Variants in COL25A1 observed in about 807,000 individuals in gnomAD.
COL25A1 encodes collagen type XXV alpha 1 chain.
In COL25A1, 103 loss-of-function variants were observed where a neutral mutation model predicts 128.4. The observed-to-expected ratio is 0.80, with a 90% confidence interval of 0.68 to 0.94. The LOEUF (loss-of-function observed/expected upper bound fraction) is 0.94. COL25A1 is among the 40% of genes least tolerant of loss of function. The pLI is 0.00. For missense variants in COL25A1, 745 were observed against 840.0 expected (o/e 0.89, Z 1.40); for synonymous variants, 279 against 277.2 (o/e 1.01, Z -0.06).
At chr4:109,193,353 T>G (rs112298860) in intron 3 of COL25A1, among the ~76,000 whole-genome samples, 10 of 152,274 alleles carry the variant, frequency 6.6e-5, no homozygotes, top group African/African-American at 2.4e-4. Flanking sequence ...AAGATGTAAA[T>G]TAAGTAATTG....
At chr4:109,049,672 A>G (rs1252625425) in intron 4 of COL25A1, among the ~76,000 whole-genome samples, 1 of 152,264 alleles carries the variant, frequency 6.6e-6, no homozygotes, top group Non-Finnish European at 1.5e-5. Context: ...GAGTAAAAGC[A>G]TGACAGAATT....
At chr4:108,890,021 C>T (rs1033498018) in intron 16 of COL25A1, among the ~76,000 whole-genome samples, 4 of 152,162 alleles carry the variant, frequency 2.6e-5, no homozygotes, top group Non-Finnish European at 5.9e-5. Flanking sequence ...GACTACATTC[C>T]GTGAAATAAA....
intron 13 of COL25A1, among the ~76,000 whole-genome samples, chr4:108,917,713 T>C (rs1053829909): frequency 2.0e-5 from 3 of 152,246 alleles, no homozygotes; most frequent in African/African-American, 7.2e-5. Flanking sequence ...ACTTCTACTT[T>C]TGATTAACAG....
chr4:109,061,431 T>A (rs1338260372), intron 3 of COL25A1, among the ~76,000 whole-genome samples: 1 of 152,220 alleles, frequency 6.6e-6, no homozygotes, highest in African/African-American at 2.4e-5. Context: ...GGAATAGGAA[T>A]AGATTTCATA....
chr4:109,015,640 C>T (rs1171870822), intron 5 of COL25A1, among the ~76,000 whole-genome samples: 1 of 152,004 alleles, frequency 6.6e-6, no homozygotes, highest in East Asian at 1.9e-4. Flanking sequence ...AACTTAGGTA[C>T]CAGCAGGAAG....
rs112404860 is a variant in COL25A1 at position 109,119,662 on chromosome 4, G to A, written c.368-69483C>T. 4.0e-3 allele frequency among the ~76,000 whole-genome samples: 601 copies of A among 152,030 alleles called. 5 individuals are homozygous for A. The highest frequency in any genetic ancestry group is 0.013 in the African/African-American group (558 of 41,502). On this transcript the variant is annotated intron_variant, in intron 3 of 37. Coordinates refer to ENST00000399132, the MANE Select transcript of COL25A1 (RefSeq NM_198721.4). ...GAATAATTAACACTCTTCCAAAACA[G>A]CACCAAACCAAGATAGCTTGAGTGA... is the stretch of plus-strand genomic sequence containing the variant.
At chr4:109,083,992 ATTTTG>A (rs1293919772) in intron 3 of COL25A1, among the ~76,000 whole-genome samples, 4 of 152,300 alleles carry the variant, frequency 2.6e-5, no homozygotes, top group East Asian at 3.9e-4. Context: ...TACATGTAGC[ATTTTG>A]TTTTGTTTTA....
chr4:109,176,040 T>A (rs1323461746), intron 3 of COL25A1, among the ~76,000 whole-genome samples: 6 of 152,192 alleles, frequency 3.9e-5, no homozygotes, highest in Non-Finnish European at 7.3e-5. Flanking sequence ...ATTCATCTAT[T>A]CAGCACACAT....
In COL25A1 at chr4:109,185,933, G is replaced by A. The variant is rs145339050; in HGVS notation, c.367+114650C>T. 9.2e-5 allele frequency among the ~76,000 whole-genome samples: 14 copies of A among 152,302 alleles called. No individual in the cohort carries two copies. The East Asian group carries it at 2.5e-3, about 27-fold the overall frequency. ...TGGACGACTTCCAGCCTCCAGAACT[G>A]TGAGAAAATAAATTTCTGTTGTTTA... On this transcript the variant is annotated intron_variant, in intron 3 of 37. Coordinates refer to ENST00000399132, the MANE Select transcript of COL25A1 (RefSeq NM_198721.4).
rs564190282 is a variant in COL25A1 at position 109,235,872 on chromosome 4, T to C, written c.367+64711A>G. The stretch of plus-strand genomic sequence containing the variant: ...TATTCATTATCTATTTATAGCAAAG[T>C]TATTTCTAAGAATAACCTTCTCATT... On this transcript the variant is annotated intron_variant, in intron 3 of 37. Transcript: ENST00000399132. 3.9e-5 allele frequency among the ~76,000 whole-genome samples: 6 copies of C among 152,172 alleles called. No homozygotes were observed. The South Asian group carries it at 1.2e-3, about 32-fold the overall frequency.
At chr4:108,936,956 C>T (rs989539837) in intron 11 of COL25A1, among the ~76,000 whole-genome samples, 1 of 151,914 alleles carries the variant, frequency 6.6e-6, no homozygotes, top group Non-Finnish European at 1.5e-5. Flanking sequence ...ACCTTTTATA[C>T]CTTGAACATC....
chr4:108,954,402 C>A (rs1021099041), intron 8 of COL25A1, among the ~76,000 whole-genome samples: 9 of 151,804 alleles, frequency 5.9e-5, no homozygotes, highest in Non-Finnish European at 1.5e-5. Flanking sequence ...ATATTTAATT[C>A]TTAAAAGTGA....
intron 11 of COL25A1, among the ~76,000 whole-genome samples, chr4:108,924,919 T>C (rs1745877122): frequency 6.6e-6 from 1 of 152,164 alleles, no homozygotes; most frequent in Non-Finnish European, 1.5e-5. Flanking sequence ...ACCCTCACCT[T>C]TGGGGTTAGG....
intron 3 of COL25A1, among the ~76,000 whole-genome samples, chr4:109,227,153 T>C (rs1373594957): frequency 1.3e-5 from 2 of 152,280 alleles, no homozygotes; most frequent in East Asian, 1.9e-4. Flanking sequence ...AAAAAGGAAA[T>C]TTCTTCGTTT....
intron 3 of COL25A1, among the ~76,000 whole-genome samples, chr4:109,054,987 C>T (rs186680363): frequency 1.1e-4 from 17 of 152,292 alleles, no homozygotes; most frequent in African/African-American, 3.8e-4. Context: ...CTGAACCAAC[C>T]TCCCCCATCC....
chr4:109,107,181 A>G lies in COL25A1; in HGVS notation c.368-57002T>C, dbSNP rs3113713. Among the ~76,000 whole-genome samples, 102 of 152,300 alleles carry G rather than the reference A, an allele frequency of 6.7e-4. 1 individual carries two copies. The highest frequency in any genetic ancestry group is 2.3e-3 in the African/African-American group (97 of 41,552). ...TTCCAATGAAGCAATTTAGACAAAAAGTAATATTAAAGAAAACTAGGTAGT... is the reference window on the plus strand; with the variant it reads ...TTCCAATGAAGCAATTTAGACAAAAGGTAATATTAAAGAAAACTAGGTAGT... On this transcript the variant is annotated intron_variant, in intron 3 of 37. Coordinates refer to ENST00000399132, the MANE Select transcript of COL25A1 (RefSeq NM_198721.4).
At chr4:109,008,219 T>C (rs1561014855) in intron 6 of COL25A1, among the ~76,000 whole-genome samples, 1 of 152,148 alleles carries the variant, frequency 6.6e-6, no homozygotes, top group Non-Finnish European at 1.5e-5. Flanking sequence ...AAAGCCAACA[T>C]CCAGCTGTGA....
At chr4:108,986,329 AT>A (rs1753668468) in intron 6 of COL25A1, among the ~76,000 whole-genome samples, 1 of 152,226 alleles carries the variant, frequency 6.6e-6, no homozygotes, top group Non-Finnish European at 1.5e-5. Context: ...CAATAGATGT[AT>A]TTGGTGAAAG....
At chr4:108,870,233 T>C (rs1326728127) in intron 19 of COL25A1, among the ~76,000 whole-genome samples, 1 of 152,112 alleles carries the variant, frequency 6.6e-6, no homozygotes. Flanking sequence ...TCCAACATGG[T>C]TGACAGAGCA....
Sources: allele counts gnomAD v4.1 joint callset (sites outside exome capture counted in the v4.1 genomes callset), GRCh38; gene constraint gnomAD v4.1.1; transcripts MANE v1.5; gene names NCBI Gene and HGNC (gene_info 2026-07-23, HGNC 2026-07-21).